Variants in CALN1 observed in about 807,000 individuals in gnomAD.
The protein encoded by CALN1 is calneuron 1.
CALN1 carries 17 observed loss-of-function variants against 30.6 expected under a neutral mutation model. The ratio of observed to expected loss-of-function variants is 0.56; its 90% CI spans 0.38 to 0.83. CALN1 has a LOEUF of 0.83. Among genes scored for constraint, CALN1 ranks in the 40% least tolerant of loss-of-function variants. The pLI is 0.00. For missense variants in CALN1, 291 were observed against 354.9 expected, an observed-to-expected ratio of 0.82 and a Z score of 1.45; for synonymous variants, 156 against 131.4, an observed-to-expected ratio of 1.19 and a Z score of -1.28.
At chr7:72,487,119 T>C in the CALN1 span, among the ~76,000 whole-genome samples, 1 of 152,084 alleles carries the variant, frequency 6.6e-6, no homozygotes, top group African/African-American at 2.4e-5. Flanking sequence ...GGTGTGATCA[T>C]AGCTCACTGC....
chr7:71,952,925 A>AT (rs888010106), intron 5 of CALN1, among the ~76,000 whole-genome samples: 6 of 152,160 alleles, frequency 3.9e-5, no homozygotes, highest in African/African-American at 1.4e-4. Flanking sequence ...CTTGTCATAA[A>AT]TGCCTTTTGC....
At chr7:72,322,642 AG>A (rs1297285423) in intron 2 of CALN1, among the ~76,000 whole-genome samples, 7 of 152,090 alleles carry the variant, frequency 4.6e-5, no homozygotes, top group Non-Finnish European at 1.5e-5. Flanking sequence ...AGAGAGTAGA[AG>A]GATGGTTTCC....
intron 2 of CALN1, among the ~76,000 whole-genome samples, chr7:72,285,282 T>C (rs965202585): frequency 2.0e-5 from 3 of 152,224 alleles, no homozygotes; most frequent in African/African-American, 7.2e-5. Context: ...TCTTGCTCTG[T>C]TGCCCAGGCT....
chr7:72,261,367 A>G (rs1415824575), intron 3 of CALN1, among the ~76,000 whole-genome samples: 1 of 152,086 alleles, frequency 6.6e-6, no homozygotes, highest in East Asian at 1.9e-4. Flanking sequence ...GAGCATGTAA[A>G]TGGTGGCACA....
chr7:72,283,463 A>T (rs1332611535), intron 2 of CALN1, among the ~76,000 whole-genome samples: 1 of 152,176 alleles, frequency 6.6e-6, no homozygotes, highest in African/African-American at 2.4e-5. Flanking sequence ...TGAGCACAGT[A>T]ATTTGAGACT....
chr7:72,231,697 T>G (rs966166448), intron 3 of CALN1, among the ~76,000 whole-genome samples: 1 of 152,118 alleles, frequency 6.6e-6, no homozygotes, highest in Non-Finnish European at 1.5e-5. Context: ...TAGGTACCTA[T>G]AGGAAAAGAT....
intron 3 of CALN1, among the ~76,000 whole-genome samples, chr7:72,121,375 T>C (rs1164609677): frequency 6.9e-6 from 1 of 145,738 alleles, no homozygotes; most frequent in African/African-American, 2.5e-5. Flanking sequence ...ATATATAAAT[T>C]ACGTATTATA....
intron 1 of CALN1, among the ~76,000 whole-genome samples, chr7:72,410,969 G>A (rs1461205422): frequency 5.3e-5 from 8 of 152,218 alleles, no homozygotes; most frequent in African/African-American, 1.2e-4. Context: ...TTATTTTAAG[G>A]TGATATGATT....
At chr7:71,989,701 A>G (rs912237243) in intron 5 of CALN1, among the ~76,000 whole-genome samples, 1 of 152,002 alleles carries the variant, frequency 6.6e-6, no homozygotes, top group Non-Finnish European at 1.5e-5. Flanking sequence ...TTAGCACAAT[A>G]GTTTTGAAAA....
chr7:71,925,432 T>A (rs888191818), intron 5 of CALN1, among the ~76,000 whole-genome samples: 2 of 152,002 alleles, frequency 1.3e-5, no homozygotes, highest in East Asian at 1.9e-4. Context: ...CACTATTTTT[T>A]ATAGTAAAGG....
At chr7:72,033,098 T>C (rs1801564025) in intron 4 of CALN1, among the ~76,000 whole-genome samples, 1 of 152,236 alleles carries the variant, frequency 6.6e-6, no homozygotes, top group Non-Finnish European at 1.5e-5. Context: ...CCAAATATCA[T>C]GATCCACTTA....
At chr7:71,984,376 C>T (rs1798556024) in intron 5 of CALN1, among the ~76,000 whole-genome samples, 1 of 152,204 alleles carries the variant, frequency 6.6e-6, no homozygotes, top group Non-Finnish European at 1.5e-5. Flanking sequence ...AGAATCTACT[C>T]ATCTCATGAA....
chr7:72,008,037 G>A (rs922089758), intron 5 of CALN1, among the ~76,000 whole-genome samples: 13 of 152,078 alleles, frequency 8.5e-5, no homozygotes, highest in Non-Finnish European at 1.6e-4. Flanking sequence ...AATAAATGAG[G>A]ACATTCATGA....
At chr7:72,280,838 G>C (rs1315506378) in intron 2 of CALN1, among the ~76,000 whole-genome samples, 1 of 152,136 alleles carries the variant, frequency 6.6e-6, no homozygotes, top group African/African-American at 2.4e-5. Context: ...ACAAGAGTGA[G>C]TTCCTTATAA....
intron 5 of CALN1, among the ~76,000 whole-genome samples, chr7:71,862,766 C>T (rs1791365670): frequency 6.6e-6 from 1 of 152,294 alleles, no homozygotes; most frequent in Admixed American, 6.5e-5. Context: ...TTCAGCGTTT[C>T]TTCTAAGTAA....
chr7:72,275,547 C>T (rs771949594), intron 3 of CALN1, among the ~76,000 whole-genome samples: 3 of 152,222 alleles, frequency 2.0e-5, no homozygotes, highest in South Asian at 2.1e-4. Context: ...ATAAGTAGAA[C>T]GAATCTTCTG....
intron 3 of CALN1, among the ~76,000 whole-genome samples, chr7:72,196,281 G>A (rs1790994959): frequency 6.6e-6 from 1 of 152,110 alleles, no homozygotes; most frequent in African/African-American, 2.4e-5. Context: ...CCATGCCTGG[G>A]TAACTTTTTG....
intron 5 of CALN1, among the ~76,000 whole-genome samples, chr7:72,005,340 C>T (rs1799715039): frequency 6.6e-6 from 1 of 152,012 alleles, no homozygotes; most frequent in Non-Finnish European, 1.5e-5. Flanking sequence ...ACTGTTTTTT[C>T]TGTTTTGAGA....
In CALN1 at chr7:72,092,183, C is replaced by T. The variant is rs543285630; in HGVS notation, c.388+13968G>A. Among the ~76,000 whole-genome samples, 475 of 152,206 alleles carry T rather than the reference C, an allele frequency of 3.1e-3. 1 individual carries two copies. Among genetic ancestry groups the T allele is most frequent in the Non-Finnish European group, 5.5e-3 (375 of 68,022 alleles). On this transcript the variant is annotated intron_variant, in intron 4 of 6. Transcript: ENST00000395275. ...TTTTCCACAGAATCAGTGCTTGGAT[C>T]TGTTCATGAGATTGAAAGGTTTTTG...
Sources: gnomAD v4.1 joint callset for allele counts (sites outside exome capture counted in the v4.1 genomes callset) on GRCh38, gnomAD v4.1.1 for gene constraint, MANE v1.5 for transcripts, NCBI Gene and HGNC (gene_info 2026-07-23, HGNC 2026-07-21) for gene names.